The following TM9SF2 variants were observed in gnomAD, a reference collection of about 807,000 sequenced individuals.
TM9SF2 encodes transmembrane 9 superfamily member 2, also known as 76 kDa membrane protein.
A neutral mutation model predicts 84.9 loss-of-function variants in TM9SF2; 13 were observed. The observed-to-expected ratio is 0.15, with a 90% CI of 0.10 to 0.24. TM9SF2 has a LOEUF of 0.24. TM9SF2 is among the 10% of genes least tolerant of loss of function. TM9SF2 has a pLI of 1.00. For synonymous variants in TM9SF2, 273 were observed against 285.8 expected, an observed-to-expected ratio of 0.96 and a Z score of 0.45; for missense variants, 562 against 818.5, an observed-to-expected ratio of 0.69 and a Z score of 3.82.
chr13:99,545,182 T>C (rs1365372863), intron 10 of TM9SF2, among the ~76,000 whole-genome samples: 1 of 152,222 alleles, frequency 6.6e-6, no homozygotes, highest in African/African-American at 2.4e-5. Flanking sequence ...ACCACAGTTA[T>C]TTTTGTTAGT....
In TM9SF2 at chr13:99,536,344, C is replaced by T. The variant is rs2046234398; in HGVS notation, c.462-264C>T. Among the ~76,000 whole-genome samples the T allele has an allele frequency of 2.0e-5, 3 of 148,116 alleles. No individual in the cohort carries two copies. In the Admixed American group the frequency reaches 2.1e-4, roughly 10 times the overall value. On this transcript the variant is annotated intron_variant, in intron 4 of 16. Transcript: ENST00000376387. The stretch of plus-strand genomic sequence containing the variant: ...TTAAGGCTAGTCAAATGAAGCAGTG[C>T]TGTACCTGGTTGTGATCAATTAGTT...
chr13:99,520,550 C>T (rs1466434618), intron 3 of TM9SF2, among the ~76,000 whole-genome samples: 2 of 152,260 alleles, frequency 1.3e-5, no homozygotes, highest in East Asian at 3.9e-4. Context: ...GGCTCCCGCA[C>T]TGGGATTTTT....
At chr13:99,544,072 C>G in intron 10 of TM9SF2, 77 bp downstream of exon 10, 1 of 1,538,136 alleles carries the variant, frequency 6.5e-7, no homozygotes, top group Non-Finnish European at 8.9e-7. Context: ...GTTTTTCTGG[C>G]CGGGCATGGT....
At chr13:99,540,910 A>G in intron 8 of TM9SF2, 117 bp downstream of exon 8, 1 of 885,626 alleles carries the variant, frequency 1.1e-6, no homozygotes, top group South Asian at 1.8e-5. Context: ...CCTTGGGTTC[A>G]AATCCTGGCT....
chr13:99,505,974 T>C (rs749908168), intron 1 of TM9SF2, among the ~76,000 whole-genome samples: 2 of 152,380 alleles, frequency 1.3e-5, no homozygotes, highest in South Asian at 4.1e-4. Flanking sequence ...TAAGATTTTT[T>C]TTCCTTTGCT....
chr13:99,531,810 A>G (rs1247883940), intron 4 of TM9SF2, among the ~76,000 whole-genome samples: 2 of 152,166 alleles, frequency 1.3e-5, no homozygotes, highest in African/African-American at 2.4e-5. Context: ...CCCCTAAACT[A>G]CCATAGAAAT....
chr13:99,508,791 G>A (rs2046100888), intron 1 of TM9SF2, among the ~76,000 whole-genome samples: 2 of 152,148 alleles, frequency 1.3e-5, no homozygotes, highest in Non-Finnish European at 2.9e-5. Flanking sequence ...TCACCATCAT[G>A]AGGGCAGCAC....
intron 1 of TM9SF2, among the ~76,000 whole-genome samples, chr13:99,517,020 A>C (rs943056504): frequency 2.0e-5 from 3 of 152,228 alleles, no homozygotes; most frequent in Admixed American, 6.5e-5. Context: ...TTTAGTTAAA[A>C]TATCTTATTA....
At chr13:99,504,106 C>G (rs1429608099) in intron 1 of TM9SF2, among the ~76,000 whole-genome samples, 1 of 152,066 alleles carries the variant, frequency 6.6e-6, no homozygotes, top group African/African-American at 2.4e-5. Context: ...CTTTGCCTTT[C>G]AAAGAAGATG....
Position 99,536,626 on chromosome 13 carries a change from T to A in TM9SF2, c.480T>A (p.Pro160=), listed in dbSNP as rs551130579. Reference sequence around the variant, plus strand: ...TGTGTAGGATTGTGGATAATATGCCTGTAACGTGGTGTTACGATGTTGAAG... The same window carrying A: ...TGTGTAGGATTGTGGATAATATGCCAGTAACGTGGTGTTACGATGTTGAAG... ...YQHHWIVDNM[P]VTWCYDVEDG... Residue 160 remains proline (P), a synonymous_variant, in exon 5 of 17, where the codon CCT becomes CCA. Transcript: ENST00000376387. The A allele has an allele frequency of 9.4e-5, 151 of 1,613,686 alleles. 3 individuals carry two copies. In the South Asian group the frequency reaches 1.6e-3, roughly 17 times the overall value.
chr13:99,558,342 C>A (rs968320542), intron 15 of TM9SF2, among the ~76,000 whole-genome samples: 4 of 152,124 alleles, frequency 2.6e-5, no homozygotes, highest in African/African-American at 9.7e-5. Context: ...TTAACTTTTC[C>A]AATCTGCAAA....
intron 16 of TM9SF2, among the ~76,000 whole-genome samples, chr13:99,561,459 T>C (rs2046344588): frequency 6.6e-6 from 1 of 152,240 alleles, no homozygotes; most frequent in Non-Finnish European, 1.5e-5. Flanking sequence ...TACAAAGTTA[T>C]ATAAATATAC....
intron 14 of TM9SF2, among the ~76,000 whole-genome samples, chr13:99,554,952 C>T (rs1228704081): frequency 2.0e-5 from 3 of 152,084 alleles, no homozygotes; most frequent in South Asian, 2.1e-4. Context: ...CTTCATTCTC[C>T]GATTGCTTGT....
chr13:99,534,268 C>T (rs2046223984), intron 4 of TM9SF2, among the ~76,000 whole-genome samples: 1 of 152,128 alleles, frequency 6.6e-6, no homozygotes, highest in Non-Finnish European at 1.5e-5. Context: ...ATAAAGGGGT[C>T]TTGAAGATAC....
At chr13:99,560,662 A>G (rs1357716214) in intron 16 of TM9SF2, among the ~76,000 whole-genome samples, 1 of 152,082 alleles carries the variant, frequency 6.6e-6, no homozygotes, top group East Asian at 1.9e-4. Flanking sequence ...CATCACCTAA[A>G]TTTTATTTAT....
rs1443235721 is a variant in TM9SF2, at chr13:99,536,631, C to T, written c.485C>T (p.Thr162Met). The change falls in exon 5 of 17, where the codon ACG (threonine) becomes ATG (methionine). Residue 162 changes from threonine (T) to methionine (M), a missense_variant. Thr to Met is a moderately conservative substitution (Grantham distance 81). Coordinates refer to ENST00000376387, the MANE Select transcript of TM9SF2 (RefSeq NM_004800.3). ...AGGATTGTGGATAATATGCCTGTAA[C>T]GTGGTGTTACGATGTTGAAGATGGT... Reference protein sequence around the residue: ...HHWIVDNMPVTWCYDVEDGQR... With the variant: ...HHWIVDNMPVMWCYDVEDGQR... 2 of 1,613,364 alleles carry T rather than the reference C, an allele frequency of 1.2e-6. No homozygotes were observed. Among genetic ancestry groups the T allele is most frequent in the Non-Finnish European group, 1.7e-6 (2 of 1,179,588 alleles).
intron 1 of TM9SF2, among the ~76,000 whole-genome samples, chr13:99,502,793 T>C (rs2046072429): frequency 6.6e-6 from 1 of 152,266 alleles, no homozygotes; most frequent in Non-Finnish European, 1.5e-5. Flanking sequence ...TTACAATCTA[T>C]AAATAGGCTT....
intron 9 of TM9SF2, among the ~76,000 whole-genome samples, chr13:99,542,297 C>A (rs2046263830): frequency 6.6e-6 from 1 of 152,178 alleles, no homozygotes; most frequent in South Asian, 2.1e-4. Flanking sequence ...CTGACACATA[C>A]CTGTTTGTGA....
At chr13:99,532,818 G>C (rs1395875972) in intron 4 of TM9SF2, among the ~76,000 whole-genome samples, 1 of 152,158 alleles carries the variant, frequency 6.6e-6, no homozygotes, top group Non-Finnish European at 1.5e-5. Flanking sequence ...AAAATTTACT[G>C]AATGATTTGT....
Sources: gnomAD v4.1 joint callset for allele counts (sites outside exome capture counted in the v4.1 genomes callset) on GRCh38, gnomAD v4.1.1 for gene constraint, MANE v1.5 for transcripts, NCBI Gene and HGNC (gene_info 2026-07-23, HGNC 2026-07-21) for gene names.